The following PKNOX2 variants were observed in gnomAD, a reference collection of about 807,000 sequenced individuals.
PKNOX2 encodes PBX/knotted 1 homeobox 2, also known as homeobox protein PKNOX2.
PKNOX2 carries 14 observed loss-of-function variants against 53.1 expected under a neutral mutation model. The observed-to-expected ratio is 0.26, with a 90% CI of 0.17 to 0.41. PKNOX2 has a LOEUF of 0.41. PKNOX2 is among the 10% of genes least tolerant of loss of function. PKNOX2 has a pLI of 1.00. For missense variants in PKNOX2, 496 were observed against 602.8 expected (o/e 0.82, Z 1.85); for synonymous variants, 257 against 242.8 (o/e 1.06, Z -0.54).
chr11:125,300,230 T>C (rs2135952568), intron 2 of PKNOX2, among the ~76,000 whole-genome samples: 1 of 152,368 alleles, frequency 6.6e-6, no homozygotes, highest in Admixed American at 6.5e-5. Flanking sequence ...ACTTCTCTTT[T>C]TCTACCCTCT....
Position 125,431,815 on chromosome 11 carries a change from G to A in PKNOX2, c.*423G>A, listed in dbSNP as rs1318692397. The A allele has an allele frequency of 5.9e-6, 1 of 170,754 alleles. No homozygotes were observed. The highest frequency in any genetic ancestry group is 1.3e-5 in the Non-Finnish European group (1 of 79,210). 10.6% of individuals were successfully genotyped at this position (170,754 alleles called of 1,614,324 possible). A position where few individuals can be genotyped will look rare whatever the true frequency, so the allele number is the denominator to read the frequency against. On this transcript the variant is annotated 3_prime_UTR_variant, in exon 13 of 13. Coordinates refer to ENST00000298282, the MANE Select transcript of PKNOX2 (RefSeq NM_001382323.2). ...GGGGGCAGACTTAGAAGGAAGGGGAGAGACAAAGGGGGACTGAGTTTCATC... is the reference window on the plus strand; with the variant it reads ...GGGGGCAGACTTAGAAGGAAGGGGAAAGACAAAGGGGGACTGAGTTTCATC...
rs57144595 is a variant in PKNOX2, at chr11:125,299,712, C to A, written c.-129-32107C>A. The stretch of plus-strand genomic sequence containing the variant: ...AACTGTGCTGGTAGATGCCTGAAGT[C>A]GTTTTCCTGGGGTCCTCCTTCTTAC... On this transcript the variant is annotated intron_variant, in intron 2 of 12. Coordinates refer to ENST00000298282, the MANE Select transcript of PKNOX2 (RefSeq NM_001382323.2). Among the ~76,000 whole-genome samples the A allele has an allele frequency of 1.8e-4, 28 of 152,268 alleles. No individual in the cohort carries two copies. In the East Asian group the frequency reaches 5.0e-3, roughly 27 times the overall value.
At chr11:125,280,094 T>G (rs1435496579) in intron 2 of PKNOX2, among the ~76,000 whole-genome samples, 1 of 147,032 alleles carries the variant, frequency 6.8e-6, no homozygotes, top group African/African-American at 2.6e-5. Context: ...GATAAAGGAT[T>G]TTTTTTCCTT....
intron 2 of PKNOX2, among the ~76,000 whole-genome samples, chr11:125,301,014 C>T (rs1256801053): frequency 2.0e-5 from 3 of 152,196 alleles, no homozygotes; most frequent in African/African-American, 7.2e-5. Flanking sequence ...TCCTCGTCCC[C>T]TCCTCCAGGA....
At chr11:125,176,037 A>G (rs1591469355) in intron 1 of PKNOX2, among the ~76,000 whole-genome samples, 1 of 152,178 alleles carries the variant, frequency 6.6e-6, no homozygotes, top group Non-Finnish European at 1.5e-5. Context: ...TGGGTGATTC[A>G]AAGCTGGCAG....
intron 7 of PKNOX2, 142 bp from the exon 8 acceptor site, chr11:125,410,054 G>T: frequency 8.9e-7 from 1 of 1,128,630 alleles, no homozygotes; most frequent in Non-Finnish European, 1.2e-6. Flanking sequence ...CAAGAGAGTT[G>T]CCTTCTGGAC....
chr11:125,246,377 C>G (rs1035373275), intron 2 of PKNOX2, among the ~76,000 whole-genome samples: 22 of 152,200 alleles, frequency 1.4e-4, no homozygotes, highest in African/African-American at 5.1e-4. Context: ...GACCTAAACA[C>G]CTCTTGAAGG....
At position 125,430,819 on chromosome 11, in the gene PKNOX2, C is replaced by T. The variant is rs571616815; in HGVS notation, c.1193-347C>T. ...TGGGAGAAAATTCCAACTCTGTCAT[C>T]GCTGACAATGTCATCTTGAGCTAAT... On this transcript the variant is annotated intron_variant, in intron 12 of 12. Coordinates refer to ENST00000298282, the MANE Select transcript of PKNOX2 (RefSeq NM_001382323.2). 6.6e-5 allele frequency among the ~76,000 whole-genome samples: 10 copies of T among 151,592 alleles called. No homozygotes were observed. In the East Asian group the frequency reaches 1.9e-3, roughly 29 times the overall value.
intron 2 of PKNOX2, among the ~76,000 whole-genome samples, chr11:125,275,352 G>A (rs1231946809): frequency 6.6e-6 from 1 of 152,150 alleles, no homozygotes; most frequent in African/African-American, 2.4e-5. Context: ...GTGTGCATGG[G>A]GAATGAGTAG....
chr11:125,373,767 G>A (rs1368297031), intron 5 of PKNOX2, among the ~76,000 whole-genome samples: 3 of 152,242 alleles, frequency 2.0e-5, no homozygotes, highest in African/African-American at 7.2e-5. Flanking sequence ...AAGGGGTCCT[G>A]TGCAGGGACA....
intron 2 of PKNOX2, among the ~76,000 whole-genome samples, chr11:125,276,395 T>G (rs1351961944): frequency 6.6e-6 from 1 of 152,062 alleles, no homozygotes; most frequent in Non-Finnish European, 1.5e-5. Context: ...TATGGAGGTA[T>G]GTTTATATGC....
intron 3 of PKNOX2, among the ~76,000 whole-genome samples, chr11:125,350,989 C>A (rs1951273955): frequency 6.6e-6 from 1 of 152,152 alleles, no homozygotes; most frequent in Non-Finnish European, 1.5e-5. Flanking sequence ...TCTTCGTGCC[C>A]CCTCCCCACA....
intron 2 of PKNOX2, among the ~76,000 whole-genome samples, chr11:125,323,763 T>A (rs1949663228): frequency 6.6e-6 from 1 of 152,156 alleles, no homozygotes; most frequent in Admixed American, 6.5e-5. Flanking sequence ...TCTGTATCCA[T>A]CTGACCTGGA....
intron 5 of PKNOX2, among the ~76,000 whole-genome samples, chr11:125,381,776 C>T (rs733744): frequency 0.29 from 44,039 of 152,132 alleles, 7,126 homozygotes; most frequent in Admixed American, 0.43. Flanking sequence ...TCAGCTACAT[C>T]TTGTTCCAGA....
chr11:125,333,148 G>T (rs1020137595), intron 3 of PKNOX2, among the ~76,000 whole-genome samples: 1 of 152,210 alleles, frequency 6.6e-6, no homozygotes, highest in Non-Finnish European at 1.5e-5. Context: ...AGCAGCTGTG[G>T]GCAGGGATTG....
chr11:125,219,395 G>A (rs1050678439), intron 1 of PKNOX2, among the ~76,000 whole-genome samples: 5 of 151,300 alleles, frequency 3.3e-5, no homozygotes, highest in African/African-American at 7.3e-5. Context: ...CCAAGATCAC[G>A]CCATTGCATT....
At chr11:125,167,751 T>C (rs1955002482) in intron 1 of PKNOX2, among the ~76,000 whole-genome samples, 1 of 152,226 alleles carries the variant, frequency 6.6e-6, no homozygotes, top group Non-Finnish European at 1.5e-5. Flanking sequence ...AAGGGGCTTT[T>C]ATTGTGTGGC....
intron 2 of PKNOX2, among the ~76,000 whole-genome samples, chr11:125,301,957 C>A (rs1948101091): frequency 6.6e-6 from 1 of 152,240 alleles, no homozygotes; most frequent in Non-Finnish European, 1.5e-5. Flanking sequence ...GGGGCATGGT[C>A]CCTCTGGAGA....
At chr11:125,227,239 TG>T (rs1195248281) in intron 1 of PKNOX2, among the ~76,000 whole-genome samples, 1 of 152,158 alleles carries the variant, frequency 6.6e-6, no homozygotes, top group African/African-American at 2.4e-5. Context: ...AGATGGTGCA[TG>T]TCAGTAATTT....
Sources: gnomAD v4.1 joint callset for allele counts (sites outside exome capture counted in the v4.1 genomes callset) on GRCh38, gnomAD v4.1.1 for gene constraint, MANE v1.5 for transcripts, NCBI Gene and HGNC (gene_info 2026-07-23, HGNC 2026-07-21) for gene names.